Variants in MDGA2 observed in about 807,000 individuals in gnomAD.
The protein encoded by MDGA2 is MAM domain containing glycosylphosphatidylinositol anchor 2, also known as MAM domain-containing glycosylphosphatidylinositol anchor protein 2.
In MDGA2, 40 loss-of-function variants were observed where a neutral mutation model predicts 117.8. The observed-to-expected ratio is 0.34, with a 90% CI of 0.26 to 0.44. MDGA2 has a LOEUF of 0.44. MDGA2 is among the 20% of genes least tolerant of loss of function. The pLI is 1.00. For missense variants in MDGA2, 1,123 were observed against 1,250.6 expected (o/e 0.90, Z 1.54); for synonymous variants, 452 against 439.0 (o/e 1.03, Z -0.37).
At chr14:47,314,097 G>A (rs960317530) in intron 1 of MDGA2, among the ~76,000 whole-genome samples, 1 of 152,118 alleles carries the variant, frequency 6.6e-6, no homozygotes, top group Non-Finnish European at 1.5e-5. Context: ...AAGCACTGTG[G>A]TTTTTCAGCA....
chr14:47,249,103 C>T (rs929695217), intron 2 of MDGA2, among the ~76,000 whole-genome samples: 44 of 151,690 alleles, frequency 2.9e-4, no homozygotes, highest in Non-Finnish European at 7.4e-5. Flanking sequence ...CTGCAACCTC[C>T]GCCTCTGAAG....
At chr14:47,431,385 G>C (rs987537195) in intron 1 of MDGA2, among the ~76,000 whole-genome samples, 24 of 151,968 alleles carry the variant, frequency 1.6e-4, no homozygotes, top group African/African-American at 5.5e-4. Context: ...TTTATTCAAA[G>C]GTCCTGAGTA....
intron 14 of MDGA2, among the ~76,000 whole-genome samples, chr14:46,859,395 A>G (rs1258191399): frequency 1.3e-5 from 2 of 152,126 alleles, no homozygotes; most frequent in African/African-American, 4.8e-5. Flanking sequence ...TCATGAGGGA[A>G]CCCCATACAG....
At chr14:47,328,645 T>C (rs1340622840) in intron 1 of MDGA2, among the ~76,000 whole-genome samples, 2 of 152,146 alleles carry the variant, frequency 1.3e-5, no homozygotes, top group African/African-American at 4.8e-5. Context: ...TCCAACTGTT[T>C]TGAATTTTTT....
At chr14:47,235,044 G>T (rs1460103984) in intron 2 of MDGA2, among the ~76,000 whole-genome samples, 1 of 152,120 alleles carries the variant, frequency 6.6e-6, no homozygotes, top group African/African-American at 2.4e-5. Context: ...TTTTAAAAGA[G>T]TGTGAGATAT....
In MDGA2 at chr14:47,514,269, G is replaced by T. The variant is rs542071890; in HGVS notation, c.280+160248C>A. 2.6e-4 allele frequency among the ~76,000 whole-genome samples: 39 copies of T among 152,120 alleles called. No homozygotes were observed. In the East Asian group the frequency reaches 7.0e-3, roughly 27 times the overall value. On this transcript the variant is annotated intron_variant, in intron 1 of 16. Transcript: ENST00000399232. ...CCGGCCTCATTTTTTAAGTCTAAAA[G>T]AGAGATGGGCAATGCCCCCAAGTTC...
At chr14:47,581,833 C>T (rs912977930) in intron 1 of MDGA2, among the ~76,000 whole-genome samples, 5 of 152,010 alleles carry the variant, frequency 3.3e-5, no homozygotes, top group African/African-American at 9.6e-5. Flanking sequence ...TTAGCGCTTT[C>T]TAGCATATAA....
chr14:47,621,512 C>T (rs1178069982), intron 1 of MDGA2, among the ~76,000 whole-genome samples: 2 of 152,116 alleles, frequency 1.3e-5, no homozygotes, highest in African/African-American at 4.8e-5. Context: ...ATAATACATT[C>T]TTGCCTCTTT....
chr14:47,270,253 T>C (rs1888102326), intron 2 of MDGA2, among the ~76,000 whole-genome samples: 1 of 152,180 alleles, frequency 6.6e-6, no homozygotes, highest in South Asian at 2.1e-4. Flanking sequence ...GTGATTTTTT[T>C]TCTACCTACT....
intron 1 of MDGA2, among the ~76,000 whole-genome samples, chr14:47,639,723 G>C (rs1479715817): frequency 6.6e-6 from 1 of 152,116 alleles, no homozygotes; most frequent in Non-Finnish European, 1.5e-5. Context: ...ACCAGAGGCT[G>C]CTGCTTCCCA....
intron 1 of MDGA2, among the ~76,000 whole-genome samples, chr14:47,355,565 T>C (rs916765999): frequency 1.3e-5 from 2 of 151,942 alleles, no homozygotes; most frequent in African/African-American, 4.8e-5. Flanking sequence ...AGTGCAGGCT[T>C]TGCACTCTCT....
chr14:47,489,648 C>T (rs1350987852), intron 1 of MDGA2, among the ~76,000 whole-genome samples: 1 of 151,944 alleles, frequency 6.6e-6, no homozygotes, highest in African/African-American at 2.4e-5. Context: ...TTTTAAAATG[C>T]TATTTATCTG....
At chr14:47,408,056 C>CTTTTTTTTTTTTTTTTTTTTTTTTTT (rs56285818) in intron 1 of MDGA2, among the ~76,000 whole-genome samples, 1 of 115,186 alleles carries the variant, frequency 8.7e-6, no homozygotes. Context: ...GGAGATTATT[C>CTTTTTTTTTTTTTTTTTTTTTTTTTT]TTTTTTTTTT....
At chr14:47,130,528 C>T (rs1180472423) in intron 5 of MDGA2, among the ~76,000 whole-genome samples, 2 of 152,096 alleles carry the variant, frequency 1.3e-5, no homozygotes, top group African/African-American at 2.4e-5. Context: ...CTCGATGGAA[C>T]ACATGTTGAT....
intron 8 of MDGA2, among the ~76,000 whole-genome samples, chr14:46,969,202 A>G (rs572755145): frequency 2.0e-5 from 3 of 152,318 alleles, no homozygotes; most frequent in Admixed American, 6.5e-5. Context: ...TATTGCCGCA[A>G]TAAACATGCA....
At chr14:47,011,548 T>C (rs1407042420) in intron 8 of MDGA2, among the ~76,000 whole-genome samples, 1 of 151,892 alleles carries the variant, frequency 6.6e-6, no homozygotes, top group African/African-American at 2.4e-5. Flanking sequence ...ACACTGGGAG[T>C]TCTAGAAATA....
At chr14:46,918,758 A>ATTTTTTTTTTTTTTTTT (rs1884000042) in intron 10 of MDGA2, among the ~76,000 whole-genome samples, 1 of 108,660 alleles carries the variant, frequency 9.2e-6, no homozygotes, top group Non-Finnish European at 1.7e-5. Context: ...CATACAGTGT[A>ATTTTTTTTTTTTTTTTT]TCTTTTTTTT....
intron 9 of MDGA2, among the ~76,000 whole-genome samples, chr14:46,942,929 TA>T (rs1885050094): frequency 6.6e-6 from 1 of 152,134 alleles, no homozygotes; most frequent in African/African-American, 2.4e-5. Flanking sequence ...ATAGTATGCT[TA>T]AAATCTTCTA....
chr14:47,570,474 C>T (rs1201761115), intron 1 of MDGA2, among the ~76,000 whole-genome samples: 3 of 152,146 alleles, frequency 2.0e-5, no homozygotes, highest in South Asian at 2.1e-4. Context: ...ATTTTCCTTT[C>T]ATGGAGTTGT....
Sources: allele counts gnomAD v4.1 joint callset (sites outside exome capture counted in the v4.1 genomes callset), GRCh38; gene constraint gnomAD v4.1.1; transcripts MANE v1.5; gene names NCBI Gene and HGNC (gene_info 2026-07-23, HGNC 2026-07-21).